Variants in ZNFX1 observed in about 807,000 individuals in gnomAD.
ZNFX1 encodes NFX1-type zinc finger-containing protein 1.
Under a neutral mutation model 179.8 loss-of-function variants are expected in ZNFX1, and 78 were observed. The observed-to-expected ratio is 0.43, with a 90% CI of 0.36 to 0.52. The LOEUF (loss-of-function observed/expected upper bound fraction) is 0.52. ZNFX1 is among the 20% of genes least tolerant of loss of function. The pLI, the probability that ZNFX1 is intolerant of heterozygous loss-of-function variation, is 0.00. For synonymous variants in ZNFX1, 848 were observed against 868.5 expected (o/e 0.98, Z 0.42); for missense variants, 1,927 against 2,386.6 (o/e 0.81, Z 4.01).
intron 1 of ZNFX1, among the ~76,000 whole-genome samples, chr20:49,276,521 C>T (rs985791902): frequency 1.3e-5 from 2 of 152,210 alleles, no homozygotes; most frequent in African/African-American, 4.8e-5. Flanking sequence ...GTGCTGTTTC[C>T]TCAGGACCAG....
intron 3 of ZNFX1, among the ~76,000 whole-genome samples, chr20:49,267,959 C>T (rs576265597): frequency 4.6e-5 from 7 of 152,032 alleles, no homozygotes; most frequent in South Asian, 4.2e-4. Context: ...CTGCAAGCTC[C>T]GCCTCCTGGG....
chr20:49,266,616 T>C (rs1473532786), intron 3 of ZNFX1, among the ~76,000 whole-genome samples: 3 of 151,514 alleles, frequency 2.0e-5, no homozygotes, highest in African/African-American at 7.3e-5. Flanking sequence ...TTTCACTTAA[T>C]GTATCTTGAA....
Position 49,251,632 on chromosome 20 carries a change from C to A in ZNFX1, c.3217-10G>T, listed in dbSNP as rs1188728169. 4 of 1,601,312 alleles carry A rather than the reference C, an allele frequency of 2.5e-6. No homozygotes were observed. Among genetic ancestry groups the A allele is most frequent in the Non-Finnish European group, 3.4e-6 (4 of 1,173,462 alleles). ...CAGGGCACATACGGTGCTGAAAAAACACATGCATGTCATTAGAAACATGGG... is the reference window on the plus strand; with the variant it reads ...CAGGGCACATACGGTGCTGAAAAAAAACATGCATGTCATTAGAAACATGGG... On this transcript the variant is annotated splice_polypyrimidine_tract_variant and intron_variant, in intron 12 of 13. Coordinates refer to ENST00000396105, the MANE Select transcript of ZNFX1 (RefSeq NM_021035.3).
chr20:49,251,636 T>C lies in ZNFX1; in HGVS notation c.3217-14A>G, dbSNP rs747715138. The C allele has an allele frequency of 8.8e-6, 14 of 1,597,438 alleles. No individual in the cohort carries two copies. Among genetic ancestry groups the C allele is most frequent in the Middle Eastern group, 1.7e-4 (1 of 6,040 alleles). On this transcript the variant is annotated splice_polypyrimidine_tract_variant and intron_variant, in intron 12 of 13. Coordinates refer to ENST00000396105, the MANE Select transcript of ZNFX1 (RefSeq NM_021035.3). ...GCACATACGGTGCTGAAAAAACACA[T>C]GCATGTCATTAGAAACATGGGCAGA...
At chr20:49,275,651 C>G (rs1981538584) in intron 2 of ZNFX1, 128 bp downstream of exon 2, 1 of 912,114 alleles carries the variant, frequency 1.1e-6, no homozygotes, top group Non-Finnish European at 1.7e-6. Context: ...GCCACTGCAT[C>G]CAGCCATAGT....
intron 8 of ZNFX1, among the ~76,000 whole-genome samples, chr20:49,256,956 A>G (rs567278953): frequency 6.6e-5 from 10 of 152,364 alleles, no homozygotes; most frequent in Admixed American, 5.9e-4. Flanking sequence ...CATTCATACA[A>G]TTCTGGCTTT....
intron 8 of ZNFX1, 86 bp downstream of exon 8, chr20:49,257,331 G>A (rs1980992486): frequency 1.3e-6 from 2 of 1,549,158 alleles, no homozygotes; most frequent in African/African-American, 2.7e-5. Flanking sequence ...TTGTAATGGT[G>A]AAGTGAATAT....
In ZNFX1 at chr20:49,249,714, G is replaced by A. The variant is rs1275711384; in HGVS notation, c.3313-3C>T. The A allele has an allele frequency of 1.9e-6, 3 of 1,605,450 alleles. No individual in the cohort carries two copies. Among genetic ancestry groups the A allele is most frequent in the Non-Finnish European group, 2.6e-6 (3 of 1,174,604 alleles). ...AAGAAAAGGTTGGAAGACACCCCCT[G>A]ACAGGGAAAAGAAGTGACATGTTAA... On this transcript the variant is annotated splice_polypyrimidine_tract_variant and splice_region_variant and intron_variant, in intron 13 of 13. Transcript: ENST00000396105.
chr20:49,272,424 C>G (rs1981438217), intron 2 of ZNFX1, among the ~76,000 whole-genome samples: 1 of 152,148 alleles, frequency 6.6e-6, no homozygotes. Context: ...ATCCACCCGC[C>G]TCAGCCTCCC....
intron 1 of ZNFX1, 118 bp from the exon 2 acceptor site, chr20:49,276,005 TTAAA>T (rs1981547703): frequency 1.6e-6 from 1 of 628,328 alleles, no homozygotes; most frequent in Admixed American, 2.9e-5. Context: ...TAACTAAGGG[TTAAA>T]TACAGATTTT....
Position 49,252,453 on chromosome 20 carries a change from T to TA in ZNFX1, c.3216+266dup, listed in dbSNP as rs571803475. 1.3e-3 allele frequency among the ~76,000 whole-genome samples: 183 copies of TA among 143,654 alleles called. 1 individual carries two copies. Among genetic ancestry groups the TA allele is most frequent in the African/African-American group, 2.1e-3 (83 of 39,330 alleles). 94.2% of individuals were successfully genotyped at this position (143,654 alleles called of 152,430 possible). On this transcript the variant is annotated intron_variant, in intron 12 of 13. Coordinates refer to ENST00000396105, the MANE Select transcript of ZNFX1 (RefSeq NM_021035.3). ...CACCGCACCTGGCCTCTATTTTTCT[T>TA]AAAAAAAAAAAGGAAAGAAAATCTA... is the stretch of plus-strand genomic sequence containing the variant.
chr20:49,251,673 C>A, intron 12 of ZNFX1, 51 bp from the exon 13 acceptor site: 2 of 1,488,654 alleles, frequency 1.3e-6, no homozygotes, highest in Non-Finnish European at 1.8e-6. Flanking sequence ...CACACACGGA[C>A]AATTTCTTTA....
chr20:49,262,539 A>G (rs994894761), intron 6 of ZNFX1, among the ~76,000 whole-genome samples: 23 of 152,122 alleles, frequency 1.5e-4, no homozygotes, highest in Non-Finnish European at 4.4e-5. Flanking sequence ...CTGGGTTGCT[A>G]CCACATCTGT....
intron 13 of ZNFX1, among the ~76,000 whole-genome samples, chr20:49,250,763 G>C (rs1222300487): frequency 6.6e-6 from 1 of 152,056 alleles, no homozygotes; most frequent in African/African-American, 2.4e-5. Context: ...TGTTGGCCAG[G>C]CTAGTCTCCA....
At chr20:49,250,731 T>C (rs1980814618) in intron 13 of ZNFX1, among the ~76,000 whole-genome samples, 2 of 152,124 alleles carry the variant, frequency 1.3e-5, no homozygotes, top group South Asian at 4.1e-4. Context: ...TTTGTATTTT[T>C]AGTAGAGACG....
chr20:49,261,496 A>T (rs571156998), intron 6 of ZNFX1, among the ~76,000 whole-genome samples: 29 of 152,292 alleles, frequency 1.9e-4, no homozygotes, highest in African/African-American at 6.3e-4. Flanking sequence ...CTTATAAGTT[A>T]AATGATGAGA....
chr20:49,253,074 G>A (rs1230171295), intron 11 of ZNFX1, among the ~76,000 whole-genome samples: 1 of 152,180 alleles, frequency 6.6e-6, no homozygotes, highest in East Asian at 1.9e-4. Flanking sequence ...AGTGACATCT[G>A]AGTAGACACT....
chr20:49,253,227 G>A (rs751595693), intron 11 of ZNFX1, among the ~76,000 whole-genome samples: 3 of 152,126 alleles, frequency 2.0e-5, no homozygotes, highest in Non-Finnish European at 4.4e-5. Context: ...AGCCTTTGTG[G>A]GCCACTTTAA....
intron 3 of ZNFX1, among the ~76,000 whole-genome samples, chr20:49,267,961 C>T (rs530846030): frequency 2.0e-5 from 3 of 151,980 alleles, no homozygotes; most frequent in Non-Finnish European, 4.4e-5. Flanking sequence ...GCAAGCTCCG[C>T]CTCCTGGGTT....
Sources: gnomAD v4.1 joint callset for allele counts (sites outside exome capture counted in the v4.1 genomes callset) on GRCh38, gnomAD v4.1.1 for gene constraint, MANE v1.5 for transcripts, NCBI Gene and HGNC (gene_info 2026-07-23, HGNC 2026-07-21) for gene names.